The following DPYD variants were observed in gnomAD, a reference collection of about 807,000 sequenced individuals.
DPYD encodes the protein dihydropyrimidine dehydrogenase [NADP(+)].
DPYD carries 109 observed loss-of-function variants against 116.2 expected under a neutral mutation model. That is an observed-to-expected ratio of 0.94 (90% CI 0.80 to 1.10). The LOEUF (loss-of-function observed/expected upper bound fraction) is 1.10. Ranked by LOEUF, DPYD falls within the 50% of genes least tolerant of loss-of-function variation. The pLI, the probability that DPYD is intolerant of heterozygous loss-of-function variation, is 0.00. For missense variants in DPYD, 1,302 were observed against 1,254.5 expected (o/e 1.04, Z -0.57); for synonymous variants, 440 against 432.0 (o/e 1.02, Z -0.23).
rs567379593 is a variant in DPYD at position 97,317,815 on chromosome 1, C to A, written c.2059-11518G>T. Among the ~76,000 whole-genome samples, 8 of 151,952 alleles carry A rather than the reference C, an allele frequency of 5.3e-5. No homozygotes were observed. The South Asian group carries it at 1.5e-3, about 28-fold the overall frequency. On this transcript the variant is annotated intron_variant, in intron 16 of 22. Transcript: ENST00000370192. ...TCCTGGGAATGTTATGAAATCCAAG[C>A]AAGAAAGAATTACTATTGAGGCAAT...
chr1:97,202,670 C>G (rs1659292505), intron 19 of DPYD, among the ~76,000 whole-genome samples: 2 of 152,204 alleles, frequency 1.3e-5, no homozygotes, highest in Non-Finnish European at 2.9e-5. Context: ...CACAGTTTCA[C>G]TGAAGATGGC....
At chr1:97,554,475 T>C (rs768712969) in intron 11 of DPYD, among the ~76,000 whole-genome samples, 18 of 152,082 alleles carry the variant, frequency 1.2e-4, no homozygotes, top group Non-Finnish European at 2.2e-4. Context: ...CTTGAAAACA[T>C]AGATGAATTC....
intron 12 of DPYD, among the ~76,000 whole-genome samples, chr1:97,526,385 C>A (rs1649099826): frequency 6.6e-6 from 1 of 151,580 alleles, no homozygotes; most frequent in Non-Finnish European, 1.5e-5. Context: ...AGGTCTAGAC[C>A]AGTAATTTTT....
intron 3 of DPYD, among the ~76,000 whole-genome samples, chr1:97,819,239 G>C (rs916901544): frequency 2.0e-5 from 3 of 151,876 alleles, no homozygotes; most frequent in African/African-American, 7.2e-5. Context: ...TGCTGATTTG[G>C]GGAGTAGGGC....
intron 1 of DPYD, among the ~76,000 whole-genome samples, chr1:97,902,207 T>G (rs1673403191): frequency 6.6e-6 from 1 of 151,728 alleles, no homozygotes; most frequent in African/African-American, 2.4e-5. Flanking sequence ...CCTAGTGAAG[T>G]AAAAGAACAA....
intron 13 of DPYD, among the ~76,000 whole-genome samples, chr1:97,452,394 T>C (rs1676466425): frequency 6.6e-6 from 1 of 152,140 alleles, no homozygotes; most frequent in South Asian, 2.1e-4. Flanking sequence ...GGTGCTAAAA[T>C]AAAGTACTGT....
chr1:97,701,584 A>T (rs565899976), intron 5 of DPYD, among the ~76,000 whole-genome samples: 5 of 152,034 alleles, frequency 3.3e-5, no homozygotes, highest in South Asian at 2.1e-4. Context: ...AGTTTTCTTA[A>T]GAATGAGGAA....
At chr1:97,305,533 T>A (rs1245473289) in intron 17 of DPYD, among the ~76,000 whole-genome samples, 155 bp from the exon 18 acceptor site, 4 of 152,042 alleles carry the variant, frequency 2.6e-5, no homozygotes, top group African/African-American at 9.7e-5. Flanking sequence ...CCTACATTTA[T>A]GTTTAAAATT....
At chr1:97,526,898 A>T (rs112710870) in intron 12 of DPYD, among the ~76,000 whole-genome samples, 2,590 of 152,270 alleles carry the variant, frequency 0.017, 37 homozygotes, top group South Asian at 0.028. Flanking sequence ...TTTATACCAG[A>T]TCCAGTGATA....
chr1:97,703,119 C>T (rs926604333), intron 5 of DPYD, among the ~76,000 whole-genome samples: 3 of 151,966 alleles, frequency 2.0e-5, no homozygotes, highest in African/African-American at 7.2e-5. Flanking sequence ...TATCCCTTTG[C>T]CTGCTCTGTT....
intron 3 of DPYD, among the ~76,000 whole-genome samples, chr1:97,759,919 T>C (rs529817438): frequency 3.9e-5 from 6 of 152,258 alleles, no homozygotes; most frequent in African/African-American, 1.2e-4. Context: ...TATGGATATA[T>C]GGGACGTGAT....
chr1:97,613,839 C>A (rs888609583), intron 8 of DPYD, among the ~76,000 whole-genome samples: 9 of 151,942 alleles, frequency 5.9e-5, no homozygotes, highest in Non-Finnish European at 1.2e-4. Context: ...CTACAGAGAT[C>A]ATAAAAGTAG....
chr1:97,360,206 T>C (rs950348797), intron 16 of DPYD, among the ~76,000 whole-genome samples: 2 of 151,384 alleles, frequency 1.3e-5, no homozygotes, highest in Admixed American at 1.3e-4. Context: ...AAAGAGACCA[T>C]TATGTGATGG....
intron 16 of DPYD, among the ~76,000 whole-genome samples, chr1:97,318,818 C>A (rs1487121608): frequency 1.3e-5 from 2 of 149,770 alleles, no homozygotes; most frequent in Non-Finnish European, 3.0e-5. Flanking sequence ...CAAAATTGAC[C>A]ACATAGTTGG....
chr1:97,777,536 T>C (rs1239020958), intron 3 of DPYD, among the ~76,000 whole-genome samples: 1 of 152,186 alleles, frequency 6.6e-6, no homozygotes, highest in Admixed American at 6.5e-5. Flanking sequence ...ACAGAACTTT[T>C]GACACCTATT....
intron 6 of DPYD, 102 bp from the exon 7 acceptor site, chr1:97,691,900 T>A: frequency 1.2e-6 from 1 of 858,036 alleles, no homozygotes; most frequent in Non-Finnish European, 2.0e-6. Flanking sequence ...TAGTAGAAAA[T>A]AAATATCTCT....
intron 20 of DPYD, among the ~76,000 whole-genome samples, chr1:97,107,914 T>C (rs1033663885): frequency 1.3e-5 from 2 of 152,052 alleles, no homozygotes; most frequent in African/African-American, 4.8e-5. Flanking sequence ...CCACAAATTT[T>C]GAAGGGAAAA....
In DPYD at chr1:97,537,812, T is replaced by C. The variant is rs145381300; in HGVS notation, c.1524+11748A>G. Among the ~76,000 whole-genome samples the C allele has an allele frequency of 7.8e-3, 1,191 of 152,302 alleles. 10 individuals are homozygous for C. Among genetic ancestry groups the C allele is most frequent in the Middle Eastern group, 0.031 (9 of 294 alleles). Reference sequence around the variant, plus strand: ...CTTTAAAAAATATACGTTGAGGGCATTGAAGAAATGGAAGACATGAATGAT... The same window carrying C: ...CTTTAAAAAATATACGTTGAGGGCACTGAAGAAATGGAAGACATGAATGAT... On this transcript the variant is annotated intron_variant, in intron 12 of 22. Transcript: ENST00000370192.
intron 20 of DPYD, among the ~76,000 whole-genome samples, chr1:97,187,031 G>T (rs1043445672): frequency 3.3e-5 from 5 of 152,010 alleles, no homozygotes; most frequent in Non-Finnish European, 5.9e-5. Flanking sequence ...GAATAGTGCT[G>T]CCATAAACAT....
Sources: allele counts gnomAD v4.1 joint callset (sites outside exome capture counted in the v4.1 genomes callset), GRCh38; gene constraint gnomAD v4.1.1; transcripts MANE v1.5; gene names NCBI Gene and HGNC (gene_info 2026-07-23, HGNC 2026-07-21).